CAPN12: variants seen among roughly 807,000 people sequenced by gnomAD.
The protein encoded by CAPN12 is calpain 12.
A neutral mutation model predicts 95.0 loss-of-function variants in CAPN12; 107 were observed. The observed-to-expected ratio is 1.13, with a 90% CI of 0.96 to 1.32. The LOEUF is 1.32. CAPN12 is among the 40% of genes most tolerant of loss of function. The pLI is 0.00. For missense variants in CAPN12, 1,136 were observed against 997.8 expected (o/e 1.14, Z -1.87); for synonymous variants, 505 against 415.5 (o/e 1.22, Z -2.62).
intron 18 of CAPN12, chr19:38,731,467 C>G: frequency 1.8e-6 from 1 of 557,548 alleles, no homozygotes; most frequent in African/African-American, 1.9e-5. Context: ...CTCAGGACAG[C>G]GTCTGACACG....
chr19:38,734,683 G>A, intron 15 of CAPN12, 130 bp downstream of exon 15: 1 of 819,870 alleles, frequency 1.2e-6, no homozygotes, highest in Admixed American at 2.7e-5. Context: ...GATGCTGCCA[G>A]GCTGAGCCCT....
In CAPN12 at chr19:38,734,164, C is replaced by T; in HGVS notation, c.1856G>A (p.Trp619Ter). The change falls in exon 17 of 21, where the codon TGG becomes TAG. Residue 619 changes from tryptophan (W) to a stop codon, truncating the protein, a stop_gained. Coordinates refer to ENST00000328867, the MANE Select transcript of CAPN12 (RefSeq NM_144691.4). LOFTEE classifies it high-confidence loss of function. ...SLALHHFQQLWGYLLEWQAIF... is the reference protein window; with the variant it reads ...SLALHHFQQL ...CACCTGCCACTCCAGGAGGTAGCCC[C>T]AGAGCTGCTGGAAGTGGTGTAAGGC... The T allele has an allele frequency of 1.9e-6, 3 of 1,613,056 alleles. No homozygotes were observed. Among genetic ancestry groups the T allele is most frequent in the South Asian group, 1.1e-5 (1 of 91,084 alleles).
Position 38,744,273 on chromosome 19 carries a change from G to T in CAPN12, c.-108C>A. On this transcript the variant is annotated 5_prime_UTR_variant, in exon 1 of 21. Coordinates refer to ENST00000328867, the MANE Select transcript of CAPN12 (RefSeq NM_144691.4). ...CAGTGGGGTCTTTAGGCAATGAGGA[G>T]CCTTCCCTCGTTAATATTAATTGAT... 3.0e-6 allele frequency: 3 copies of T among 1,005,638 alleles called. No homozygotes were observed. Among genetic ancestry groups the T allele is most frequent in the Non-Finnish European group, 3.1e-6 (2 of 654,050 alleles). 62.3% of individuals were successfully genotyped at this position (1,005,638 alleles called of 1,614,324 possible). A position where few individuals can be genotyped will look rare whatever the true frequency, so the allele number is the denominator to read the frequency against.
At chr19:38,736,489 TTGACCAAGC>T in intron 11 of CAPN12, 54 bp downstream of exon 11, 1 of 1,341,402 alleles carries the variant, frequency 7.5e-7, no homozygotes, top group South Asian at 1.3e-5. Context: ...CCAGGGCAGG[TTGACCAAGC>T]CCCAGGGCAG....
rs1969550243 is a variant in CAPN12, at chr19:38,731,036, G to A, written c.2075-13C>T. On this transcript the variant is annotated splice_polypyrimidine_tract_variant and intron_variant, in intron 19 of 20. Coordinates refer to ENST00000328867, the MANE Select transcript of CAPN12 (RefSeq NM_144691.4). ...TGGCTGCAGTGGCCTGTGCAGAGAG[G>A]GGCAGGGTGAGTGCCCACCAGTCCC... 1.1e-5 allele frequency: 17 copies of A among 1,556,514 alleles called. No individual in the cohort carries two copies. Among genetic ancestry groups the A allele is most frequent in the Non-Finnish European group, 1.4e-5 (16 of 1,150,642 alleles).
intron 18 of CAPN12, chr19:38,733,456 G>C: frequency 4.1e-6 from 2 of 490,586 alleles, no homozygotes; most frequent in Non-Finnish European, 7.2e-6. Flanking sequence ...CCCTGCCCCA[G>C]AACCCCTACC....
chr19:38,741,528 G>A (rs955140009), intron 4 of CAPN12, among the ~76,000 whole-genome samples: 2 of 151,524 alleles, frequency 1.3e-5, no homozygotes, highest in East Asian at 1.9e-4. Flanking sequence ...AGCCAAGATC[G>A]CGCTACTGCA....
At chr19:38,743,668 C>CAGCCT (rs1970714735) in intron 1 of CAPN12, among the ~76,000 whole-genome samples, 1 of 132,664 alleles carries the variant, frequency 7.5e-6, no homozygotes. Flanking sequence ...TCCAAGCCCC[C>CAGCCT]TCCTCCCTCA....
intron 18 of CAPN12, 62 bp from the exon 19 acceptor site, chr19:38,731,285 C>T: frequency 1.6e-6 from 2 of 1,260,476 alleles, no homozygotes; most frequent in South Asian, 1.2e-5. Context: ...CATTGCATCC[C>T]CACCCCACCT....
At chr19:38,738,910 C>T in intron 5 of CAPN12, 1 of 524,956 alleles carries the variant, frequency 1.9e-6, no homozygotes, top group Non-Finnish European at 3.4e-6. Context: ...GGTGGAAGGA[C>T]TACTTGAGGC....
Position 38,740,117 on chromosome 19 carries a change from G to T in CAPN12, c.663C>A (p.Ser221Arg). The change falls in exon 5 of 21, where the codon AGC (serine) becomes AGA (arginine). Residue 221 changes from serine (S) to arginine (R), a missense_variant. Coordinates refer to ENST00000328867, the MANE Select transcript of CAPN12 (RefSeq NM_144691.4). ...VGEVLYLRQN[S>R]MGLFSALRHA... ...GGCGCAGGGCAGAGAACAGCCCCAT[G>T]CTGTTTTGTCTCAGATAGAGCACCT... 1.2e-6 allele frequency: 2 copies of T among 1,613,832 alleles called. No homozygotes were observed. The highest frequency in any genetic ancestry group is 4.5e-5 in the East Asian group (2 of 44,882).
At chr19:38,733,925 A>T in intron 17 of CAPN12, 144 bp from the exon 18 acceptor site, 1 of 803,666 alleles carries the variant, frequency 1.2e-6, no homozygotes, top group Non-Finnish European at 2.0e-6. Flanking sequence ...GCCACTTGGG[A>T]CTTCTGTTTC....
intron 5 of CAPN12, 85 bp downstream of exon 5, chr19:38,739,964 CAG>C (rs1239549363): frequency 7.4e-7 from 1 of 1,342,966 alleles, no homozygotes; most frequent in African/African-American, 1.5e-5. Context: ...AAGCAGAGAA[CAG>C]AGGAAGCACT....
Position 38,734,309 on chromosome 19 carries a change from C to A in CAPN12, c.1815+10G>T. ...CTCCCTCCCTCACCCAGGCACTGCC[C>A]CCCATGTACCCCGAAACACTGCAGC... On this transcript the variant is annotated intron_variant, in intron 16 of 20. Coordinates refer to ENST00000328867, the MANE Select transcript of CAPN12 (RefSeq NM_144691.4). 2.5e-6 allele frequency: 4 copies of A among 1,605,368 alleles called. No homozygotes were observed. Among genetic ancestry groups the A allele is most frequent in the East Asian group, 2.2e-5 (1 of 44,750 alleles).
At position 38,736,254 on chromosome 19, in the gene CAPN12, C is replaced by CGCTGAG. The variant is rs752848662; in HGVS notation, c.1438_1439insCTCAGC (p.Asp479_Arg480insProGln). The stretch of plus-strand genomic sequence containing the variant: ...GTCGCGGCGGGCGCTGAGGGGCGAG[C>CGCTGAG]GGTCGGCGCGCAGCAGCCGGGGCAG... On this transcript the variant is annotated inframe_insertion, in exon 12 of 21. Coordinates refer to ENST00000328867, the MANE Select transcript of CAPN12 (RefSeq NM_144691.4). 6.8e-7 allele frequency: 1 copy of CGCTGAG among 1,469,098 alleles called. No individual in the cohort carries two copies. The highest frequency in any genetic ancestry group is 1.4e-5 in the South Asian group (1 of 73,692). 91.0% of individuals were successfully genotyped at this position (1,469,098 alleles called of 1,614,324 possible).
At chr19:38,737,762 T>C (rs1341548124) in intron 8 of CAPN12, 124 bp from the exon 9 acceptor site, 2 of 1,283,114 alleles carry the variant, frequency 1.6e-6, no homozygotes, top group Non-Finnish European at 2.1e-6. Flanking sequence ...CCCTTCAGGC[T>C]CCAGAAATGA....
rs1221872126 is a variant in CAPN12 at position 38,736,209 on chromosome 19, A to AGGC, written c.1481_1483dup (p.Cys494_Leu495insArg). The AGGC allele has an allele frequency of 3.2e-5, 48 of 1,504,432 alleles. No individual in the cohort carries two copies. The highest frequency in any genetic ancestry group is 1.4e-4 in the South Asian group (11 of 80,506). 93.2% of individuals were successfully genotyped at this position (1,504,432 alleles called of 1,614,324 possible). ...CACCACCAGGTAGTGGCCTGGACGC[A>AGGC]GGCAGCAGCGGCGGGTCACGTCGCG... is the stretch of plus-strand genomic sequence containing the variant. On this transcript the variant is annotated inframe_insertion, in exon 12 of 21. Transcript: ENST00000328867.
intron 18 of CAPN12, among the ~76,000 whole-genome samples, chr19:38,732,241 G>C (rs1969676223): frequency 6.6e-6 from 1 of 152,200 alleles, no homozygotes; most frequent in African/African-American, 2.4e-5. Flanking sequence ...CTCCACTCCT[G>C]TCTATCTCCG....
chr19:38,742,061 C>A, intron 3 of CAPN12, 151 bp from the exon 4 acceptor site: 5 of 1,190,304 alleles, frequency 4.2e-6, no homozygotes, highest in Non-Finnish European at 5.8e-6. Context: ...TGCGGTGGCT[C>A]ACATCTGTAA....
Sources: gnomAD v4.1 joint callset for allele counts (sites outside exome capture counted in the v4.1 genomes callset) on GRCh38, gnomAD v4.1.1 for gene constraint, MANE v1.5 for transcripts, NCBI Gene and HGNC (gene_info 2026-07-23, HGNC 2026-07-21) for gene names.